Variants in PTPRN2 observed in about 807,000 individuals in gnomAD.
The protein encoded by PTPRN2 is receptor-type tyrosine-protein phosphatase N2.
In PTPRN2, 74 loss-of-function variants were observed where a neutral mutation model predicts 118.8. That is an observed-to-expected ratio of 0.62 (90% CI 0.52 to 0.76). The LOEUF is 0.76. PTPRN2 is among the 30% of genes least tolerant of loss of function. The pLI is 0.00. For synonymous variants in PTPRN2, 641 were observed against 608.0 expected, an observed-to-expected ratio of 1.05 and a Z score of -0.80; for missense variants, 1,481 against 1,394.4, an observed-to-expected ratio of 1.06 and a Z score of -0.99.
intron 2 of PTPRN2, among the ~76,000 whole-genome samples, chr7:158,429,058 A>C (rs892528926): frequency 1.3e-5 from 2 of 152,194 alleles, no homozygotes; most frequent in African/African-American, 4.8e-5. Context: ...TTGGACTCCT[A>C]GCACTGGCTG....
intron 2 of PTPRN2, among the ~76,000 whole-genome samples, chr7:158,385,689 T>C (rs1186737393): frequency 1.3e-5 from 2 of 152,194 alleles, no homozygotes; most frequent in Non-Finnish European, 2.9e-5. Context: ...AAGCACAAGT[T>C]CAGGCCTGCT....
intron 5 of PTPRN2, among the ~76,000 whole-genome samples, chr7:158,181,891 TTG>T (rs1161322395): frequency 1.3e-5 from 2 of 151,914 alleles, no homozygotes; most frequent in African/African-American, 4.8e-5. Flanking sequence ...TCTTTTGTAT[TTG>T]TTTCTTTCCT....
In PTPRN2 at chr7:157,566,385, C is replaced by T. The variant is rs527558383; in HGVS notation, c.2902+2517G>A. Among the ~76,000 whole-genome samples, 3 of 152,370 alleles carry T rather than the reference C, an allele frequency of 2.0e-5. No homozygotes were observed. In the East Asian group the frequency reaches 5.8e-4, roughly 29 times the overall value. On this transcript the variant is annotated intron_variant, in intron 21 of 22. Transcript: ENST00000389418. Reference sequence around the variant, plus strand: ...CTCAGGCCAGACAAAGACGCCCCGCCACACGGGCAGGGCCCAGCCTGCACC... The same window carrying T: ...CTCAGGCCAGACAAAGACGCCCCGCTACACGGGCAGGGCCCAGCCTGCACC...
At chr7:158,410,749 G>A (rs77423314) in intron 2 of PTPRN2, among the ~76,000 whole-genome samples, 284 of 152,304 alleles carry the variant, frequency 1.9e-3, no homozygotes, top group African/African-American at 6.4e-3. Context: ...TGGATCCAGG[G>A]TGGGCCCTAA....
chr7:158,268,358 C>A (rs1225991052), intron 3 of PTPRN2, among the ~76,000 whole-genome samples: 2 of 143,912 alleles, frequency 1.4e-5, no homozygotes, highest in East Asian at 2.1e-4. Context: ...ATCCCAGCTG[C>A]ACGCACACAG....
intron 1 of PTPRN2, among the ~76,000 whole-genome samples, chr7:158,532,444 C>T (rs1825317309): frequency 6.6e-6 from 1 of 152,186 alleles, no homozygotes; most frequent in Non-Finnish European, 1.5e-5. Flanking sequence ...ACAGAGTCAT[C>T]ACGGAGACAG....
Position 157,571,469 on chromosome 7 carries a change from G to T in PTPRN2, c.2808C>A (p.Gly936=). ...AATGAACAATTATTGGACAAGAACG[G>T]CCCCTGTAGCACTTGTTTACTTTTC... ...FRRKVNKCYR[G]RSCPIIVHCS... Residue 936 remains glycine, a synonymous_variant, in exon 20 of 23, where the codon GGC becomes GGA. Transcript: ENST00000389418. The T allele has an allele frequency of 6.2e-7, 1 of 1,610,328 alleles. No individual in the cohort carries two copies. The highest frequency in any genetic ancestry group is 8.5e-7 in the Non-Finnish European group (1 of 1,178,002).
chr7:157,569,786 T>C (rs1444127396), intron 20 of PTPRN2, among the ~76,000 whole-genome samples: 1 of 152,234 alleles, frequency 6.6e-6, no homozygotes, highest in Non-Finnish European at 1.5e-5. Flanking sequence ...TAAAAGTACA[T>C]AGGGCTCGTG....
At chr7:158,495,954 C>T (rs1401793354) in intron 1 of PTPRN2, among the ~76,000 whole-genome samples, 1 of 152,068 alleles carries the variant, frequency 6.6e-6, no homozygotes, top group Non-Finnish European at 1.5e-5. Flanking sequence ...CTGTCTCTGA[C>T]AAGAGGGAGG....
Position 158,563,943 on chromosome 7 carries a change from G to T in PTPRN2, c.112+23615C>A, listed in dbSNP as rs901308024. On this transcript the variant is annotated intron_variant, in intron 1 of 22. Transcript: ENST00000389418. This position sits in a 1 kb window ranked among gnomAD's most constrained non-coding sequence, Gnocchi z 5.1. ...AGAACTTGGGCTCTGATGCCACAGT[G>T]CCTGGGATGTCTACGAAACACACAT... Among the ~76,000 whole-genome samples, 3 of 152,224 alleles carry T rather than the reference G, an allele frequency of 2.0e-5. No individual in the cohort carries two copies. Among genetic ancestry groups the T allele is most frequent in the Admixed American group, 2.0e-4 (3 of 15,282 alleles).
chr7:158,131,408 A>G (rs1295210403), intron 9 of PTPRN2, among the ~76,000 whole-genome samples: 5 of 113,188 alleles, frequency 4.4e-5, no homozygotes, highest in Non-Finnish European at 8.6e-5. Context: ...ATACAAACCA[A>G]TACACATCTA....
intron 2 of PTPRN2, among the ~76,000 whole-genome samples, chr7:158,396,244 C>A (rs1812490545): frequency 6.6e-6 from 1 of 151,880 alleles, no homozygotes; most frequent in African/African-American, 2.4e-5. Flanking sequence ...TGAGCATTTT[C>A]ACACACACAC....
intron 13 of PTPRN2, among the ~76,000 whole-genome samples, chr7:157,673,882 T>G (rs1293981810): frequency 1.3e-5 from 2 of 152,150 alleles, no homozygotes; most frequent in Admixed American, 1.3e-4. Flanking sequence ...GGGTTCACAC[T>G]GGGGAGTCCT....
At chr7:158,205,137 G>A (rs898019688) in intron 4 of PTPRN2, 34 bp downstream of exon 4, 3 of 1,508,134 alleles carry the variant, frequency 2.0e-6, no homozygotes, top group Admixed American at 3.3e-5. Flanking sequence ...CTGTGTCCTG[G>A]GAGCAAGGAG....
chr7:158,267,769 C>CA (rs1187929839), intron 3 of PTPRN2, among the ~76,000 whole-genome samples: 2 of 152,162 alleles, frequency 1.3e-5, no homozygotes, highest in Admixed American at 1.3e-4. Flanking sequence ...CCAAGGGCAG[C>CA]AAAAAACCCA....
At chr7:158,212,021 G>A (rs934866634) in intron 3 of PTPRN2, among the ~76,000 whole-genome samples, 1 of 152,166 alleles carries the variant, frequency 6.6e-6, no homozygotes, top group Non-Finnish European at 1.5e-5. Context: ...ACACAGTGGA[G>A]TACTATTCAG....
Position 158,316,857 on chromosome 7 carries a change from T to C in PTPRN2, c.239A>G (p.Gln80Arg). The change falls in exon 3 of 23, where the codon CAG becomes CGG. Residue 80 changes from glutamine (Q) to arginine (R), a missense_variant. Physicochemically the swap from Gln to Arg is conservative, Grantham distance 43. This residue lies in a region of PTPRN2 where 1,115 missense variants were observed against 994.2 expected (regional missense o/e 1.12). Transcript: ENST00000389418. ...YRYEVSPVALQRLRVALQKLS... is the reference protein window; with the variant it reads ...YRYEVSPVALRRLRVALQKLS... ...CTTCTGCAACGCCACGCGCAGGCGCTGCAGGGCCACGGGCGACACCTCGTA... is the reference window on the plus strand; with the variant it reads ...CTTCTGCAACGCCACGCGCAGGCGCCGCAGGGCCACGGGCGACACCTCGTA... 1 of 1,610,836 alleles carries C rather than the reference T, an allele frequency of 6.2e-7. No individual in the cohort carries two copies. The highest frequency in any genetic ancestry group is 8.5e-7 in the Non-Finnish European group (1 of 1,179,916).
At position 158,091,673 on chromosome 7, in the gene PTPRN2, G is replaced by C. The variant is rs957358366; in HGVS notation, c.1644-10296C>G. Among the ~76,000 whole-genome samples the C allele has an allele frequency of 1.5e-4, 22 of 150,884 alleles. 1 individual carries two copies. The highest frequency in any genetic ancestry group is 1.4e-3 in the Admixed American group (21 of 15,118). Reference sequence around the variant, plus strand: ...TGATGGATGGGTAGAGAGATGGTTGGTTGGGTGGGTGGATGGGTGAGGGAC... The same window carrying C: ...TGATGGATGGGTAGAGAGATGGTTGCTTGGGTGGGTGGATGGGTGAGGGAC... On this transcript the variant is annotated intron_variant, in intron 10 of 22. Transcript: ENST00000389418.
chr7:157,679,809 C>G (rs1796836180), intron 13 of PTPRN2, among the ~76,000 whole-genome samples: 2 of 152,246 alleles, frequency 1.3e-5, no homozygotes, highest in African/African-American at 4.8e-5. Flanking sequence ...TGAGGGCCCC[C>G]CAGGTCACGC....
Sources: gnomAD v4.1 joint callset for allele counts (sites outside exome capture counted in the v4.1 genomes callset) on GRCh38, gnomAD v4.1.1 for gene constraint, gnomAD v4.1.1 regional missense constraint, Gnocchi (gnomAD v3.1) non-coding constraint, MANE v1.5 for transcripts, NCBI Gene and HGNC (gene_info 2026-07-23, HGNC 2026-07-21) for gene names.